Variants in PHKG2 observed in about 807,000 individuals in gnomAD.
The protein encoded by PHKG2 is phosphorylase kinase catalytic subunit gamma 2, also known as phosphorylase b kinase gamma catalytic chain, liver/testis isoform.
In PHKG2, 28 loss-of-function variants were observed where a neutral mutation model predicts 44.5. The observed-to-expected ratio is 0.63, with a 90% CI of 0.47 to 0.86. The LOEUF is 0.86. Among genes scored for constraint, PHKG2 ranks in the 40% least tolerant of loss-of-function variants. The pLI is 0.00. For missense variants in PHKG2, 498 were observed against 547.5 expected, an observed-to-expected ratio of 0.91 and a Z score of 0.90; for synonymous variants, 220 against 211.2, an observed-to-expected ratio of 1.04 and a Z score of -0.36.
At chr16:30,756,050 C>A in intron 6 of PHKG2, 132 bp from the exon 7 acceptor site, 1 of 807,954 alleles carries the variant, frequency 1.2e-6, no homozygotes, top group Admixed American at 1.7e-5. Context: ...GGAGACTTGG[C>A]AGAAGGCAGA....
chr16:30,749,058 G>GC (rs2053297559), intron 2 of PHKG2, 143 bp downstream of exon 2: 9 of 195,462 alleles, frequency 4.6e-5, no homozygotes, highest in Middle Eastern at 1.2e-3. Flanking sequence ...GGTGGTGGTG[G>GC]TGGTGGTGGT....
intron 4 of PHKG2, 42 bp downstream of exon 4, chr16:30,751,645 C>A (rs1243805499): frequency 3.3e-6 from 5 of 1,502,922 alleles, no homozygotes; most frequent in Non-Finnish European, 4.6e-6. Flanking sequence ...CTCCTCCCCA[C>A]CTCCATGTAT....
At chr16:30,754,526 G>A (rs1252382042) in intron 6 of PHKG2, among the ~76,000 whole-genome samples, 1 of 152,184 alleles carries the variant, frequency 6.6e-6, no homozygotes, top group Non-Finnish European at 1.5e-5. Flanking sequence ...GTGACAGACA[G>A]TATTTGTGTC....
At chr16:30,750,467 T>A (rs1431995990) in intron 2 of PHKG2, among the ~76,000 whole-genome samples, 1 of 151,998 alleles carries the variant, frequency 6.6e-6, no homozygotes, top group Non-Finnish European at 1.5e-5. Flanking sequence ...ATGTGTAGGG[T>A]CATATGGAGT....
chr16:30,755,381 A>C (rs2053403487), intron 6 of PHKG2: 1 of 156,474 alleles, frequency 6.4e-6, no homozygotes, highest in Non-Finnish European at 1.4e-5. Flanking sequence ...ATGTGCTTTA[A>C]GAAATCCCAT....
rs2053552095 is a variant in PHKG2 at position 30,758,926 on chromosome 16, A to C, written c.*1829A>C. 2.7e-5 allele frequency: 42 copies of C among 1,547,866 alleles called. 1 individual carries two copies. In the South Asian group the frequency reaches 4.9e-4, roughly 18 times the overall value. ...GAGAAAGGACTCTGACTAAAAACAAAAAGTCTGAAGTCCTGATGTCATCCA... is the reference window on the plus strand; with the variant it reads ...GAGAAAGGACTCTGACTAAAAACAACAAGTCTGAAGTCCTGATGTCATCCA... On this transcript the variant is annotated 3_prime_UTR_variant, in exon 10 of 10. Coordinates refer to ENST00000563588, the MANE Select transcript of PHKG2 (RefSeq NM_000294.3).
At chr16:30,755,785 AT>A (rs942026711) in intron 6 of PHKG2, among the ~76,000 whole-genome samples, 2 of 151,608 alleles carry the variant, frequency 1.3e-5, no homozygotes, top group African/African-American at 2.4e-5. Context: ...AATGCAGAAA[AT>A]TTTTTTTTGC....
intron 2 of PHKG2, among the ~76,000 whole-genome samples, 164 bp downstream of exon 2, chr16:30,749,079 G>C (rs1158101454): frequency 0.014 from 350 of 25,578 alleles, 43 homozygotes; most frequent in African/African-American, 0.022. Flanking sequence ...GGTGGTGGTG[G>C]TGGTGGTGGT....
In PHKG2 at chr16:30,757,657, G is replaced by A. The variant is rs1441919748; in HGVS notation, c.*560G>A. ...GGCTCGGAGGACGTGGATGTGGCCT[G>A]CAGGGGCAGGGAAGAAGGGGCAGGG... On this transcript the variant is annotated 3_prime_UTR_variant, in exon 10 of 10. Coordinates refer to ENST00000563588, the MANE Select transcript of PHKG2 (RefSeq NM_000294.3). 1.2e-6 allele frequency: 2 copies of A among 1,608,720 alleles called. No homozygotes were observed.
intron 1 of PHKG2, 98 bp downstream of exon 1, chr16:30,748,588 T>A: frequency 1.8e-6 from 1 of 544,234 alleles, no homozygotes; most frequent in Non-Finnish European, 3.3e-6. Flanking sequence ...CCCTGCCTCC[T>A]GGGCACATCT....
chr16:30,757,275 G>T lies in PHKG2; in HGVS notation c.*178G>T. 1 of 1,549,786 alleles carries T rather than the reference G, an allele frequency of 6.5e-7. No individual in the cohort carries two copies. The highest frequency in any genetic ancestry group is 8.6e-7 in the Non-Finnish European group (1 of 1,156,578). ...CCAGGACTCTGAGATCAGAGCTGGG[G>T]TGGAAGGGAGCCATTCTGAACGCCA... On this transcript the variant is annotated 3_prime_UTR_variant, in exon 10 of 10. Coordinates refer to ENST00000563588, the MANE Select transcript of PHKG2 (RefSeq NM_000294.3).
chr16:30,752,937 A>T, intron 4 of PHKG2: 1 of 457,596 alleles, frequency 2.2e-6, no homozygotes, highest in South Asian at 2.7e-5. Context: ...ATTCACTTTG[A>T]GAGGCCTTTT....
chr16:30,754,614 C>G (rs2053392218), intron 6 of PHKG2, among the ~76,000 whole-genome samples: 1 of 152,196 alleles, frequency 6.6e-6, no homozygotes, highest in African/African-American at 2.4e-5. Context: ...CTTGGACAGT[C>G]TGACTCCAGA....
At chr16:30,752,085 T>TC (rs1177159877) in intron 4 of PHKG2, among the ~76,000 whole-genome samples, 2 of 143,994 alleles carry the variant, frequency 1.4e-5, no homozygotes, top group Non-Finnish European at 3.0e-5. Context: ...AGAGTGAGAC[T>TC]CCATCTCAAA....
Position 30,751,124 on chromosome 16 carries a change from C to G in PHKG2, c.114C>G (p.Val38=), listed in dbSNP as rs1412102262. The G allele has an allele frequency of 6.2e-7, 1 of 1,613,736 alleles. No individual in the cohort carries two copies. The highest frequency in any genetic ancestry group is 2.2e-5 in the East Asian group (1 of 44,886). The change falls in exon 3 of 10, where the codon GTC becomes GTG. Residue 38 remains valine, a synonymous_variant. Transcript: ENST00000563588. ...CTTGCAGAGGAGTGAGCTCTGTGGT[C>G]CGCCGTTGTGTTCATCGAGCTACTG... ...DVIGRGVSSV[V]RRCVHRATGH... is the part of the protein sequence containing the mutation.
Position 30,759,152 on chromosome 16 carries a change from A to T in PHKG2, c.*2055A>T. ...TGTGGCCCCAGGCCTGGCCCAGCCC[A>T]GCCCTGCCCTGGCACTCTCCCTTAC... On this transcript the variant is annotated 3_prime_UTR_variant, in exon 10 of 10. Coordinates refer to ENST00000563588, the MANE Select transcript of PHKG2 (RefSeq NM_000294.3). 6.2e-7 allele frequency: 1 copy of T among 1,614,188 alleles called. No individual in the cohort carries two copies.
intron 6 of PHKG2, chr16:30,755,089 G>C: frequency 2.8e-6 from 1 of 356,986 alleles, no homozygotes; most frequent in East Asian, 7.6e-5. Context: ...TAAAAATACA[G>C]ACTTGAGCCA....
chr16:30,757,143 A>C lies in PHKG2; in HGVS notation c.*46A>C. ...CCAGGAAGCAGAACTCTCCAGAAGA[A>C]GGGTTTTGATCATTCCAGCTCCTCT... is the stretch of plus-strand genomic sequence containing the variant. On this transcript the variant is annotated 3_prime_UTR_variant, in exon 10 of 10. Coordinates refer to ENST00000563588, the MANE Select transcript of PHKG2 (RefSeq NM_000294.3). 1 of 1,601,548 alleles carries C rather than the reference A, an allele frequency of 6.2e-7. No homozygotes were observed. The highest frequency in any genetic ancestry group is 8.5e-7 in the Non-Finnish European group (1 of 1,177,478).
At chr16:30,749,792 C>G (rs1462575573) in intron 2 of PHKG2, among the ~76,000 whole-genome samples, 2 of 152,100 alleles carry the variant, frequency 1.3e-5, no homozygotes, top group Non-Finnish European at 2.9e-5. Flanking sequence ...AGAAAAGATG[C>G]GTATGCCCTG....
Sources: allele counts gnomAD v4.1 joint callset (sites outside exome capture counted in the v4.1 genomes callset), GRCh38; gene constraint gnomAD v4.1.1; transcripts MANE v1.5; gene names NCBI Gene and HGNC (gene_info 2026-07-23, HGNC 2026-07-21).